The following MID1 variants were observed in gnomAD, a reference collection of about 807,000 sequenced individuals.
MID1 encodes the protein E3 ubiquitin-protein ligase Midline-1.
A neutral mutation model predicts 40.4 loss-of-function variants in MID1; 7 were observed. That is an observed-to-expected ratio of 0.17 (90% CI 0.10 to 0.33). The LOEUF (loss-of-function observed/expected upper bound fraction) is 0.33, where lower values mean the gene tolerates loss of function less well. Among genes scored for constraint, MID1 ranks in the 10% least tolerant of loss-of-function variants. The pLI, the probability that MID1 is intolerant of heterozygous loss-of-function variation, is 1.00. For synonymous variants in MID1, 229 were observed against 221.2 expected (o/e 1.04, Z -0.31); for missense variants, 367 against 558.5 (o/e 0.66, Z 3.46).
chrX:10,667,877 A>T (rs111708039), intron 1 of MID1, among the ~76,000 whole-genome samples: 9 of 112,366 alleles, frequency 8.0e-5, no homozygotes, highest in African/African-American at 2.9e-4. Context: ...AATTAAAAGC[A>T]ATAGGGCAAT....
At chrX:10,789,609 T>C in intron 1 of MID1, among the ~76,000 whole-genome samples, 1 of 112,566 alleles carries the variant, frequency 8.9e-6, no homozygotes, top group Non-Finnish European at 1.9e-5. Context: ...TGTAGCAGGC[T>C]GCACCATCTA....
At chrX:10,579,985 C>T (rs1255398462) in intron 1 of MID1, among the ~76,000 whole-genome samples, 1 of 109,994 alleles carries the variant, frequency 9.1e-6, no homozygotes, top group African/African-American at 3.3e-5. Flanking sequence ...AAGCCGGGAG[C>T]CTTCTCGGAG....
chrX:10,449,304 A>G lies in MID1; in HGVS notation c.*64T>C. On this transcript the variant is annotated 3_prime_UTR_variant, in exon 10 of 10. Transcript: ENST00000317552. ...ACACTCATGAAGCCTGTGCTTTCTC[A>G]GTCCCCTAAATAGTGGCCTGAACCT... The G allele has an allele frequency of 1.0e-6, 1 of 957,533 alleles. No homozygotes were observed. The highest frequency in any genetic ancestry group is 1.5e-6 in the Non-Finnish European group (1 of 677,324). The allele number at this position is 957,533 out of a possible 1,213,427, so 78.9% of individuals were successfully genotyped here. A position where few individuals can be genotyped will look rare whatever the true frequency, so the allele number is the denominator to read the frequency against.
chrX:10,546,099 T>G (rs1421392130), intron 2 of MID1, among the ~76,000 whole-genome samples: 1 of 112,133 alleles, frequency 8.9e-6, no homozygotes, highest in Non-Finnish European at 1.9e-5. Flanking sequence ...CTGGGCCCCA[T>G]GAGGTTGCCT....
At chrX:10,642,983 A>C (rs1355333792) in intron 1 of MID1, among the ~76,000 whole-genome samples, 9 of 111,631 alleles carry the variant, frequency 8.1e-5, no homozygotes, top group African/African-American at 2.0e-4. Context: ...GAAACTGGAT[A>C]CCTTCCTTAC....
chrX:10,831,721 T>C (rs746551320), intron 1 of MID1, among the ~76,000 whole-genome samples: 1 of 111,925 alleles, frequency 8.9e-6, no homozygotes, highest in Admixed American at 9.5e-5. Context: ...CAGTAATTCA[T>C]ATGCCACTGG....
chrX:10,766,221 C>T (rs1233768073), intron 1 of MID1, among the ~76,000 whole-genome samples: 1 of 111,596 alleles, frequency 9.0e-6, no homozygotes, highest in Non-Finnish European at 1.9e-5. Context: ...CTCAAGCTCA[C>T]CAGGAGCAAA....
At position 10,469,434 on chromosome X, in the gene MID1, C is replaced by A. The variant is rs749699491; in HGVS notation, c.1285+263G>T. ...TATGTATCTCTCTATATATTTGTTT[C>A]TCTCTATATATTTGTTTCTGGCTTC... On this transcript the variant is annotated intron_variant, in intron 7 of 9. Coordinates refer to ENST00000317552, the MANE Select transcript of MID1 (RefSeq NM_000381.4). The A allele has an allele frequency of 3.8e-5, 41 of 1,076,956 alleles. No homozygotes were observed. The South Asian group carries it at 1.0e-3, about 27-fold the overall frequency. The allele number at this position is 1,076,956 out of a possible 1,213,427, so 88.8% of individuals were successfully genotyped here.
intron 1 of MID1, among the ~76,000 whole-genome samples, chrX:10,656,742 T>C: frequency 9.1e-6 from 1 of 109,461 alleles, no homozygotes; most frequent in Middle Eastern, 4.7e-3. Context: ...TCACATACAG[T>C]AGAAGTAGAT....
At chrX:10,675,988 C>G (rs1196805774) in intron 1 of MID1, among the ~76,000 whole-genome samples, 1 of 112,027 alleles carries the variant, frequency 8.9e-6, no homozygotes, top group South Asian at 3.7e-4. Flanking sequence ...CTTGAACTTG[C>G]GCTAGGTACT....
chrX:10,729,989 C>T (rs1023183271), intron 1 of MID1, among the ~76,000 whole-genome samples: 5 of 108,141 alleles, frequency 4.6e-5, no homozygotes, highest in Non-Finnish European at 5.7e-5. Context: ...GAGGCTGAGG[C>T]GAGAGAATGG....
chrX:10,694,348 C>T (rs1339550146), intron 1 of MID1, among the ~76,000 whole-genome samples: 1 of 112,099 alleles, frequency 8.9e-6, no homozygotes, highest in African/African-American at 3.2e-5. Flanking sequence ...CTTTATTTCC[C>T]CTAACAAGCT....
At chrX:10,749,674 G>A (rs2043585087) in intron 1 of MID1, among the ~76,000 whole-genome samples, 1 of 111,814 alleles carries the variant, frequency 8.9e-6, no homozygotes, top group South Asian at 3.8e-4. Flanking sequence ...GAAGCTTACA[G>A]TCATACGGAA....
At chrX:10,824,861 T>C (rs188174664) in intron 1 of MID1, among the ~76,000 whole-genome samples, 1 of 110,648 alleles carries the variant, frequency 9.0e-6, no homozygotes, top group Admixed American at 9.6e-5. Context: ...TACAGTAAAA[T>C]CTTAAATATG....
At chrX:10,732,910 C>A (rs1275976560) in intron 1 of MID1, among the ~76,000 whole-genome samples, 3 of 96,371 alleles carry the variant, frequency 3.1e-5, no homozygotes, top group Non-Finnish European at 6.1e-5. Context: ...ATCGCCCAGG[C>A]TGGAGTTCAG....
intron 1 of MID1, among the ~76,000 whole-genome samples, chrX:10,650,155 G>T (rs1044980034): frequency 2.7e-4 from 30 of 111,353 alleles, no homozygotes; most frequent in South Asian, 7.6e-4. Flanking sequence ...AGTACTGTTC[G>T]AATTATTTGG....
At chrX:10,833,098 G>A (rs763860396) in intron 1 of MID1, among the ~76,000 whole-genome samples, 3 of 112,257 alleles carry the variant, frequency 2.7e-5, no homozygotes, top group East Asian at 2.8e-4. Flanking sequence ...TTGCTGCTGC[G>A]TGAATGAAAA....
chrX:10,823,315 GC>G (rs960787563), intron 1 of MID1, among the ~76,000 whole-genome samples: 5 of 110,775 alleles, frequency 4.5e-5, no homozygotes, highest in Non-Finnish European at 9.4e-5. Context: ...ACACACTGGG[GC>G]CTGTTGGGGA....
At chrX:10,826,572 T>C (rs1449796804) in intron 1 of MID1, among the ~76,000 whole-genome samples, 1 of 112,283 alleles carries the variant, frequency 8.9e-6, no homozygotes, top group Non-Finnish European at 1.9e-5. Flanking sequence ...GGCCATTTCC[T>C]ACCCCTGAAA....
Sources: allele counts gnomAD v4.1 joint callset (sites outside exome capture counted in the v4.1 genomes callset), GRCh38; gene constraint gnomAD v4.1.1; transcripts MANE v1.5; gene names NCBI Gene and HGNC (gene_info 2026-07-23, HGNC 2026-07-21).